The following SDK1 variants were observed in gnomAD, a reference collection of about 807,000 sequenced individuals.
SDK1 encodes sidekick cell adhesion molecule 1.
Under a neutral mutation model 245.5 loss-of-function variants are expected in SDK1, and 157 were observed. That is an observed-to-expected ratio of 0.64 (90% CI 0.56 to 0.73). The LOEUF is 0.73. Among genes scored for constraint, SDK1 ranks in the 30% least tolerant of loss-of-function variants. SDK1 has a pLI of 0.00. For synonymous variants in SDK1, 1,647 were observed against 1,278.5 expected (o/e 1.29, Z -6.15); for missense variants, 3,583 against 3,002.3 (o/e 1.19, Z -4.52).
At chr7:4,117,800 T>A (rs1783806409) in intron 25 of SDK1, among the ~76,000 whole-genome samples, 1 of 152,152 alleles carries the variant, frequency 6.6e-6, no homozygotes, top group Non-Finnish European at 1.5e-5. Flanking sequence ...TTTGAATCTG[T>A]GTAAGGGAAG....
intron 1 of SDK1, among the ~76,000 whole-genome samples, chr7:3,583,032 T>G (rs1780560999): frequency 6.6e-6 from 1 of 152,204 alleles, no homozygotes; most frequent in East Asian, 1.9e-4. Flanking sequence ...GACCCAGGTC[T>G]AGTCCTAAAT....
At chr7:3,735,709 T>G (rs1015731061) in intron 4 of SDK1, among the ~76,000 whole-genome samples, 1 of 152,220 alleles carries the variant, frequency 6.6e-6, no homozygotes, top group African/African-American at 2.4e-5. Context: ...ATATGATAAT[T>G]CTATTTTTAA....
At chr7:3,939,049 C>T (rs1583592067) in intron 5 of SDK1, among the ~76,000 whole-genome samples, 1 of 152,322 alleles carries the variant, frequency 6.6e-6, no homozygotes, top group East Asian at 1.9e-4. Context: ...AATGAAGGTG[C>T]GTGAAAGAGA....
At chr7:4,155,306 G>A (rs574268062) in intron 30 of SDK1, among the ~76,000 whole-genome samples, 59 of 151,848 alleles carry the variant, frequency 3.9e-4, no homozygotes, top group African/African-American at 1.3e-3. Context: ...AAGTGAGTCC[G>A]GCAAAACACA....
rs368154782 is a variant in SDK1, at chr7:3,552,227, C to T, written c.299-66853C>T. Reference sequence around the variant, plus strand: ...TAATTTTTTGTATTTTTAGTAGAGACGGGGTTTCACTGTATTAGCAAGGAT... The same window carrying T: ...TAATTTTTTGTATTTTTAGTAGAGATGGGGTTTCACTGTATTAGCAAGGAT... On this transcript the variant is annotated intron_variant, in intron 1 of 44. Transcript: ENST00000404826. Among the ~76,000 whole-genome samples, 38 of 152,176 alleles carry T rather than the reference C, an allele frequency of 2.5e-4. 2 individuals are homozygous for T. The highest frequency in any genetic ancestry group is 1.0e-3 in the Admixed American group (16 of 15,294).
At chr7:3,346,024 C>G (rs116710781) in intron 1 of SDK1, among the ~76,000 whole-genome samples, 1 of 152,176 alleles carries the variant, frequency 6.6e-6, no homozygotes, top group African/African-American at 2.4e-5. Context: ...GTTTCTGGCA[C>G]TTGTACTCCT....
rs922708081 is a variant in SDK1, at chr7:3,491,513, T to G, written c.299-127567T>G. Among the ~76,000 whole-genome samples, 3 of 152,350 alleles carry G rather than the reference T, an allele frequency of 2.0e-5. 1 individual carries two copies. The highest frequency in any genetic ancestry group is 2.1e-4 in the South Asian group (1 of 4,832). On this transcript the variant is annotated intron_variant, in intron 1 of 44. Coordinates refer to ENST00000404826, the MANE Select transcript of SDK1 (RefSeq NM_152744.4). Reference sequence around the variant, plus strand: ...ATTGCCTATAAAATGAATTAAAGATTGGAGCATTTCTTTTTCCCCTATTCA... The same window carrying G: ...ATTGCCTATAAAATGAATTAAAGATGGGAGCATTTCTTTTTCCCCTATTCA...
chr7:4,245,973 A>ACC (rs1184655019), intron 44 of SDK1, among the ~76,000 whole-genome samples, 168 bp downstream of exon 44: 3 of 152,022 alleles, frequency 2.0e-5, no homozygotes, highest in Non-Finnish European at 4.4e-5. Flanking sequence ...CCGAAATTCA[A>ACC]CCCCACGGCC....
chr7:4,107,001 G>A (rs1036216780), intron 22 of SDK1, among the ~76,000 whole-genome samples: 5 of 151,838 alleles, frequency 3.3e-5, no homozygotes, highest in South Asian at 2.1e-4. Context: ...CATACATGCC[G>A]AGCATCCAGG....
chr7:4,262,509 G>T (rs1169906739), intron 44 of SDK1, among the ~76,000 whole-genome samples: 1 of 151,776 alleles, frequency 6.6e-6, no homozygotes, highest in African/African-American at 2.4e-5. Flanking sequence ...ACATCAGTGG[G>T]AGGCCTCAGG....
At chr7:3,478,492 T>C (rs1033709910) in intron 1 of SDK1, among the ~76,000 whole-genome samples, 3 of 152,060 alleles carry the variant, frequency 2.0e-5, no homozygotes, top group Non-Finnish European at 4.4e-5. Flanking sequence ...ATATTCTCTT[T>C]AAATATATTC....
At position 4,233,439 on chromosome 7, in the gene SDK1, T is replaced by C. The variant is rs368089588; in HGVS notation, c.5992+20T>C. 93 of 1,604,406 alleles carry C rather than the reference T, an allele frequency of 5.8e-5. No homozygotes were observed. In the Middle Eastern group the frequency reaches 1.0e-3, roughly 17 times the overall value. ...TGTCAGGTAGGCCCTCCCAGGGAGG[T>C]CTGTCTTCTTCTGGAGGACTAGAGG... On this transcript the variant is annotated intron_variant, in intron 41 of 44. Coordinates refer to ENST00000404826, the MANE Select transcript of SDK1 (RefSeq NM_152744.4).
chr7:3,836,696 C>T (rs747982844), intron 5 of SDK1, among the ~76,000 whole-genome samples: 1 of 152,192 alleles, frequency 6.6e-6, no homozygotes, highest in Non-Finnish European at 1.5e-5. Context: ...AACATCTGCC[C>T]CTCACATTGC....
intron 1 of SDK1, among the ~76,000 whole-genome samples, chr7:3,578,829 G>T (rs1201747843): frequency 6.6e-6 from 1 of 151,638 alleles, no homozygotes; most frequent in African/African-American, 2.4e-5. Context: ...CTTTTTCAAG[G>T]TGCACTGATT....
Position 4,096,332 on chromosome 7 carries a change from T to C in SDK1, c.3325-14331T>C, listed in dbSNP as rs373227028. ...AGGCAAGGCCAGGGGAAGGTGAAGTTATTACCTGGTAAAACCAGCAGAAGA... is the reference window on the plus strand; with the variant it reads ...AGGCAAGGCCAGGGGAAGGTGAAGTCATTACCTGGTAAAACCAGCAGAAGA... On this transcript the variant is annotated intron_variant, in intron 22 of 44. Coordinates refer to ENST00000404826, the MANE Select transcript of SDK1 (RefSeq NM_152744.4). Among the ~76,000 whole-genome samples, 517 of 152,232 alleles carry C rather than the reference T, an allele frequency of 3.4e-3. 3 individuals carry two copies. Among genetic ancestry groups the C allele is most frequent in the South Asian group, 0.031 (150 of 4,822 alleles).
In SDK1 at chr7:3,974,540, AGTGAT is replaced by A. The variant is rs1562601070; in HGVS notation, c.1994_1994+4del. 1 of 1,614,022 alleles carries A rather than the reference AGTGAT, an allele frequency of 6.2e-7. No homozygotes were observed. The highest frequency in any genetic ancestry group is 8.5e-7 in the Non-Finnish European group (1 of 1,179,966). On this transcript the variant is annotated frameshift_variant and splice_region_variant, in exon 13 of 45. Transcript: ENST00000404826. LOFTEE classifies it high-confidence loss of function. ...ATGACTCCAGGATGGCCCGGCTGGA[AGTGAT>A]GTGAGTACTGAGACGTTTGGTGTTA...
chr7:3,642,471 A>G (rs946544692), intron 4 of SDK1, among the ~76,000 whole-genome samples: 2 of 152,116 alleles, frequency 1.3e-5, no homozygotes, highest in Non-Finnish European at 2.9e-5. Context: ...ATTTACTTAC[A>G]GTGCTGTGGG....
chr7:3,534,915 A>G lies in SDK1; in HGVS notation c.299-84165A>G, dbSNP rs190239545. Among the ~76,000 whole-genome samples the G allele has an allele frequency of 5.3e-5, 8 of 152,268 alleles. No individual in the cohort carries two copies. The East Asian group carries it at 1.5e-3, about 29-fold the overall frequency. On this transcript the variant is annotated intron_variant, in intron 1 of 44. Transcript: ENST00000404826. ...ACATGTACAGTAAGGAGCAGACAAG[A>G]CAGCGCCAGTCAGTGGACAGCTCAT... is the stretch of plus-strand genomic sequence containing the variant.
chr7:3,698,380 C>T (rs932062825), intron 4 of SDK1, among the ~76,000 whole-genome samples: 2 of 152,120 alleles, frequency 1.3e-5, no homozygotes, highest in South Asian at 4.2e-4. Flanking sequence ...ACCTGAGGCG[C>T]CTGAACTTCC....
Sources: allele counts gnomAD v4.1 joint callset (sites outside exome capture counted in the v4.1 genomes callset), GRCh38; gene constraint gnomAD v4.1.1; transcripts MANE v1.5; gene names NCBI Gene and HGNC (gene_info 2026-07-23, HGNC 2026-07-21).